Variants in AP3B1 observed in about 807,000 individuals in gnomAD.
The protein encoded by AP3B1 is adaptor related protein complex 3 subunit beta 1, also known as AP-3 complex subunit beta-1.
AP3B1 carries 61 observed loss-of-function variants against 132.5 expected under a neutral mutation model. The observed-to-expected ratio is 0.46, with a 90% CI of 0.37 to 0.57. The LOEUF is 0.57. Ranked by LOEUF, AP3B1 falls within the 20% of genes least tolerant of loss-of-function variation. The pLI, the probability that AP3B1 is intolerant of heterozygous loss-of-function variation, is 0.00. For synonymous variants in AP3B1, 388 were observed against 438.3 expected (o/e 0.89, Z 1.43); for missense variants, 1,120 against 1,289.4 (o/e 0.87, Z 2.01).
At chr5:78,210,145 TTTTTTAATAAATTC>T (rs1212188440) in intron 7 of AP3B1, among the ~76,000 whole-genome samples, 1 of 152,194 alleles carries the variant, frequency 6.6e-6, no homozygotes, top group Non-Finnish European at 1.5e-5. Context: ...AGTATTTTGT[TTTTTTAATAAATTC>T]CACAGAATCG....
At chr5:78,217,918 GT>G (rs1746027585) in intron 6 of AP3B1, among the ~76,000 whole-genome samples, 4 of 151,966 alleles carry the variant, frequency 2.6e-5, no homozygotes, top group Admixed American at 2.6e-4. Flanking sequence ...TTCCAAATGT[GT>G]TTTGATACTA....
intron 16 of AP3B1, among the ~76,000 whole-genome samples, 166 bp from the exon 17 acceptor site, chr5:78,128,326 T>C (rs1752551790): frequency 6.6e-6 from 1 of 152,134 alleles, no homozygotes; most frequent in Admixed American, 6.5e-5. Context: ...AGTCCATAGA[T>C]TACAATAATC....
chr5:78,179,536 A>G (rs1416166235), intron 8 of AP3B1, among the ~76,000 whole-genome samples: 1 of 152,168 alleles, frequency 6.6e-6, no homozygotes, highest in African/African-American at 2.4e-5. Flanking sequence ...AAAATCCAAA[A>G]AGACTAAAAA....
At chr5:78,087,977 T>G (rs1750337722) in intron 22 of AP3B1, among the ~76,000 whole-genome samples, 1 of 152,168 alleles carries the variant, frequency 6.6e-6, no homozygotes, top group Admixed American at 6.6e-5. Flanking sequence ...GAAAATGAGG[T>G]GTAAAAGTAC....
intron 26 of AP3B1, among the ~76,000 whole-genome samples, chr5:78,004,404 T>G (rs908931141): frequency 6.6e-6 from 1 of 152,148 alleles, no homozygotes; most frequent in Non-Finnish European, 1.5e-5. Flanking sequence ...CAGAAAAACT[T>G]CACTCCCGAC....
At position 78,268,256 on chromosome 5, in the gene AP3B1, G is replaced by T. The variant is rs1018514573; in HGVS notation, c.129-661C>A. 2.0e-5 allele frequency among the ~76,000 whole-genome samples: 3 copies of T among 152,066 alleles called. No homozygotes were observed. In the South Asian group the frequency reaches 6.2e-4, roughly 32 times the overall value. On this transcript the variant is annotated intron_variant, in intron 1 of 26. Coordinates refer to ENST00000255194, the MANE Select transcript of AP3B1 (RefSeq NM_003664.5). The stretch of plus-strand genomic sequence containing the variant: ...TTTCACAGGTAACAGAAAAGGGAGA[G>T]AAATTAATGGAACTATATATGTAAC...
intron 7 of AP3B1, among the ~76,000 whole-genome samples, chr5:78,205,689 T>C (rs1385995386): frequency 6.6e-6 from 1 of 152,020 alleles, no homozygotes; most frequent in East Asian, 1.9e-4. Context: ...CTGTTCAAAT[T>C]AGAAAATGGT....
chr5:78,049,804 T>C (rs990928794), intron 22 of AP3B1, among the ~76,000 whole-genome samples: 1 of 152,208 alleles, frequency 6.6e-6, no homozygotes, highest in Non-Finnish European at 1.5e-5. Flanking sequence ...AGCTAGAATG[T>C]ATCAGTTAAA....
At chr5:78,204,300 C>T (rs1745416540) in intron 7 of AP3B1, among the ~76,000 whole-genome samples, 1 of 152,098 alleles carries the variant, frequency 6.6e-6, no homozygotes, top group African/African-American at 2.4e-5. Context: ...AGAGTACATT[C>T]TTTGTTGCAT....
At chr5:78,201,815 G>A (rs1354838323) in intron 7 of AP3B1, among the ~76,000 whole-genome samples, 2 of 152,110 alleles carry the variant, frequency 1.3e-5, no homozygotes, top group African/African-American at 2.4e-5. Flanking sequence ...ACAGGGTAAT[G>A]GAAAAAGAGA....
intron 11 of AP3B1, among the ~76,000 whole-genome samples, chr5:78,171,430 C>G (rs1743910178): frequency 6.6e-6 from 1 of 152,058 alleles, no homozygotes; most frequent in African/African-American, 2.4e-5. Context: ...GTTTGTAGTT[C>G]TCCTTGAAGA....
intron 20 of AP3B1, among the ~76,000 whole-genome samples, chr5:78,103,661 A>G (rs771184848): frequency 6.6e-6 from 1 of 152,154 alleles, no homozygotes; most frequent in Non-Finnish European, 1.5e-5. Flanking sequence ...TAAGGACAAC[A>G]GTAACTGATC....
intron 19 of AP3B1, among the ~76,000 whole-genome samples, chr5:78,112,724 A>G (rs1463757136): frequency 6.6e-6 from 1 of 152,228 alleles, no homozygotes; most frequent in East Asian, 1.9e-4. Context: ...AGCTTTTAAG[A>G]TAAGATTTTA....
At chr5:78,234,646 C>G (rs772843162) in intron 3 of AP3B1, among the ~76,000 whole-genome samples, 1 of 152,212 alleles carries the variant, frequency 6.6e-6, no homozygotes, top group Non-Finnish European at 1.5e-5. Context: ...TTTATCCCAT[C>G]TGCCTGGAAG....
At chr5:78,117,917 A>C (rs1751931572) in intron 17 of AP3B1, among the ~76,000 whole-genome samples, 1 of 152,186 alleles carries the variant, frequency 6.6e-6, no homozygotes, top group African/African-American at 2.4e-5. Flanking sequence ...GTTGAGACTC[A>C]TTTATTGATT....
At chr5:78,256,440 T>C (rs1324670621) in intron 2 of AP3B1, among the ~76,000 whole-genome samples, 1 of 152,018 alleles carries the variant, frequency 6.6e-6, no homozygotes, top group Non-Finnish European at 1.5e-5. Context: ...AATTCCTAGA[T>C]ACATACAACC....
chr5:78,091,335 A>T (rs2112206520), intron 21 of AP3B1, among the ~76,000 whole-genome samples: 1 of 152,192 alleles, frequency 6.6e-6, no homozygotes, highest in African/African-American at 2.4e-5. Flanking sequence ...CAAAGAAGAA[A>T]AATTTCAAAG....
chr5:78,139,478 G>T (rs1753056456), intron 15 of AP3B1, among the ~76,000 whole-genome samples: 1 of 152,066 alleles, frequency 6.6e-6, no homozygotes, highest in South Asian at 2.1e-4. Context: ...CACTTGGAAA[G>T]GATTAACTGA....
intron 22 of AP3B1, among the ~76,000 whole-genome samples, chr5:78,055,584 T>C (rs115204775): frequency 1.5e-4 from 23 of 152,298 alleles, no homozygotes; most frequent in African/African-American, 5.3e-4. Context: ...AGAGCTAAGA[T>C]TGAAATGTAA....
Sources: gnomAD v4.1 joint callset for allele counts (sites outside exome capture counted in the v4.1 genomes callset) on GRCh38, gnomAD v4.1.1 for gene constraint, MANE v1.5 for transcripts, NCBI Gene and HGNC (gene_info 2026-07-23, HGNC 2026-07-21) for gene names.